Variants in RNF32 observed in about 807,000 individuals in gnomAD.
RNF32 encodes ring finger protein 32.
A neutral mutation model predicts 41.0 loss-of-function variants in RNF32; 36 were observed. The ratio of observed to expected loss-of-function variants is 0.88; its 90% CI spans 0.67 to 1.16. The LOEUF (loss-of-function observed/expected upper bound fraction) is 1.16. Among genes scored for constraint, RNF32 ranks in the 50% most tolerant of loss-of-function variants. The pLI is 0.00. For synonymous variants in RNF32, 154 were observed against 160.9 expected (o/e 0.96, Z 0.32); for missense variants, 413 against 436.7 (o/e 0.95, Z 0.48).
At chr7:156,665,045 C>T (rs1801162816) in intron 7 of RNF32, among the ~76,000 whole-genome samples, 1 of 152,186 alleles carries the variant, frequency 6.6e-6, no homozygotes, top group Non-Finnish European at 1.5e-5. Context: ...CTGTGGGTCT[C>T]AGGTTCTCAA....
intron 7 of RNF32, among the ~76,000 whole-genome samples, chr7:156,667,648 G>A (rs1258371592): frequency 6.6e-6 from 1 of 152,094 alleles, no homozygotes; most frequent in Non-Finnish European, 1.5e-5. Flanking sequence ...AGTAAATAAA[G>A]GAATAAAGAA....
intron 3 of RNF32, among the ~76,000 whole-genome samples, chr7:156,651,992 A>G (rs909107963): frequency 9.2e-5 from 14 of 151,962 alleles, no homozygotes; most frequent in South Asian, 2.1e-4. Context: ...CCTGGACCTC[A>G]TGGCGGCCTC....
upstream of RNF32, chr7:156,640,656 C>A: frequency 2.8e-6 from 1 of 361,292 alleles, no homozygotes; most frequent in South Asian, 2.0e-5. Context: ...GGCGAGCATG[C>A]GCAGTATGGG....
intron 3 of RNF32, among the ~76,000 whole-genome samples, chr7:156,649,234 C>G (rs188440770): frequency 6.6e-6 from 1 of 151,148 alleles, no homozygotes; most frequent in African/African-American, 2.4e-5. Context: ...ATTTATAGAT[C>G]GGGGAAATAC....
chr7:156,668,605 G>A (rs1040473019), intron 7 of RNF32, among the ~76,000 whole-genome samples: 1 of 152,210 alleles, frequency 6.6e-6, no homozygotes, highest in African/African-American at 2.4e-5. Flanking sequence ...CGCCTTGTAG[G>A]CTGACTTCCC....
intron 7 of RNF32, among the ~76,000 whole-genome samples, chr7:156,661,843 CAT>C (rs1418422920): frequency 6.6e-6 from 1 of 152,186 alleles, no homozygotes; most frequent in African/African-American, 2.4e-5. Flanking sequence ...CCACCTTAAA[CAT>C]AATACAAGTG....
At chr7:156,648,930 A>T (rs1472399530) in intron 3 of RNF32, among the ~76,000 whole-genome samples, 1 of 152,004 alleles carries the variant, frequency 6.6e-6, no homozygotes, top group Non-Finnish European at 1.5e-5. Context: ...CCATTCTGAG[A>T]GTGCAAAGAT....
intron 7 of RNF32, among the ~76,000 whole-genome samples, chr7:156,671,364 A>C (rs1205029729): frequency 6.6e-6 from 1 of 152,206 alleles, no homozygotes; most frequent in Non-Finnish European, 1.5e-5. Context: ...TATATGTACT[A>C]TAATATACAC....
At chr7:156,644,435 G>A in intron 2 of RNF32, 64 bp from the exon 3 acceptor site, 1 of 1,300,602 alleles carries the variant, frequency 7.7e-7, no homozygotes, top group Non-Finnish European at 1.1e-6. Context: ...TGAAGCCTCA[G>A]TTCTCTTCTA....
At chr7:156,640,318 C>T (rs527550524), upstream of RNF32, 3 of 451,050 alleles carry the variant, frequency 6.7e-6, no homozygotes, top group South Asian at 3.1e-5. Context: ...GGGAAACAAC[C>T]GGGGCCCAGG....
Position 156,670,252 on chromosome 7 carries a change from C to T in RNF32, c.685-5444C>T, listed in dbSNP as rs987082702. ...TTGCAGAGGAGCTGGATGCTAAGCA[C>T]GGCTGGCTCTACTGTTTTGACTTTG... On this transcript the variant is annotated intron_variant, in intron 7 of 8. Coordinates refer to ENST00000317955, the MANE Select transcript of RNF32 (RefSeq NM_030936.4). This position sits in a 1 kb window ranked among gnomAD's most constrained non-coding sequence, Gnocchi z 4.3. 2.6e-5 allele frequency among the ~76,000 whole-genome samples: 4 copies of T among 152,178 alleles called. No individual in the cohort carries two copies. The highest frequency in any genetic ancestry group is 6.5e-5 in the Admixed American group (1 of 15,274).
intron 5 of RNF32, chr7:156,657,823 G>C (rs1799956062): frequency 1.7e-6 from 1 of 598,206 alleles, no homozygotes; most frequent in Non-Finnish European, 3.0e-6. Context: ...CAAAGTGACA[G>C]CTAAATTCAC....
At position 156,643,827 on chromosome 7, in the gene RNF32, A is replaced by G; in HGVS notation, c.-51A>G. On this transcript the variant is annotated 5_prime_UTR_variant, in exon 2 of 9. The change abolishes an upstream ATG in the 5' untranslated region. Coordinates refer to ENST00000317955, the MANE Select transcript of RNF32 (RefSeq NM_030936.4). The stretch of plus-strand genomic sequence containing the variant: ...AGAAGAATAGAAGGAAGGTGATAGG[A>G]TGTGATGATAGAATTTGTGATAGCC... The G allele has an allele frequency of 6.4e-7, 1 of 1,552,590 alleles. No individual in the cohort carries two copies. Among genetic ancestry groups the G allele is most frequent in the Non-Finnish European group, 8.9e-7 (1 of 1,124,274 alleles).
rs1447592208 is a variant in RNF32 at position 156,654,578 on chromosome 7, C to A, written c.277C>A (p.Gln93Lys). The A allele has an allele frequency of 6.2e-7, 1 of 1,613,702 alleles. No individual in the cohort carries two copies. The highest frequency in any genetic ancestry group is 8.5e-7 in the Non-Finnish European group (1 of 1,179,632). Residue 93 changes from glutamine to lysine, a missense_variant and splice_region_variant, in exon 4 of 9, where the codon CAG becomes AAG. By Grantham distance (53) the Gln-to-Lys change is moderately conservative. Transcript: ENST00000317955. ...TGTCCTGTGCTGTCTTACTTTAGCA[C>A]AGAAGTTGGGCCTCATTGGGCCTCC... is the stretch of plus-strand genomic sequence containing the variant. ...DPKPPPLTLA[Q>K]KLGLIGPPPP... is the part of the protein sequence containing the mutation.
At chr7:156,662,878 C>T (rs186938360) in intron 7 of RNF32, among the ~76,000 whole-genome samples, 6 of 144,622 alleles carry the variant, frequency 4.1e-5, no homozygotes, top group South Asian at 2.2e-4. Context: ...GGCACAGTCT[C>T]GCTCTGTCAC....
At chr7:156,676,186 T>C in intron 8 of RNF32, 1 of 1,312,110 alleles carries the variant, frequency 7.6e-7, no homozygotes, top group South Asian at 1.5e-5. Context: ...ATGTTGCTTA[T>C]CACAGGTGGG....
intron 7 of RNF32, chr7:156,660,084 C>T (rs1435878606): frequency 6.1e-6 from 6 of 985,792 alleles, no homozygotes; most frequent in Non-Finnish European, 6.0e-6. Flanking sequence ...TGGTTCATCC[C>T]AACTGCTGCC....
chr7:156,655,322 G>GT (rs1191401004), intron 4 of RNF32, among the ~76,000 whole-genome samples: 4 of 151,730 alleles, frequency 2.6e-5, no homozygotes, highest in Non-Finnish European at 5.9e-5. Flanking sequence ...TGCATATAGG[G>GT]TTTTTTCTAT....
At chr7:156,668,414 T>C (rs997969153) in intron 7 of RNF32, among the ~76,000 whole-genome samples, 11 of 151,916 alleles carry the variant, frequency 7.2e-5, no homozygotes, top group African/African-American at 2.7e-4. Flanking sequence ...GGAAGGAGGG[T>C]GGCCCATGGG....
Sources: allele counts gnomAD v4.1 joint callset (sites outside exome capture counted in the v4.1 genomes callset), GRCh38; gene constraint gnomAD v4.1.1; non-coding constraint Gnocchi (gnomAD v3.1); transcripts MANE v1.5; gene names NCBI Gene and HGNC (gene_info 2026-07-23, HGNC 2026-07-21).